The following EBF1 variants were observed in gnomAD, a reference collection of about 807,000 sequenced individuals.
EBF1 encodes the protein transcription factor COE1.
Under a neutral mutation model 68.4 loss-of-function variants are expected in EBF1, and 10 were observed. That is an observed-to-expected ratio of 0.15 (90% CI 0.09 to 0.25). The LOEUF is 0.25. Among genes scored for constraint, EBF1 ranks in the 10% least tolerant of loss-of-function variants. The pLI is 1.00. For synonymous variants in EBF1, 298 were observed against 299.8 expected (o/e 0.99, Z 0.06); for missense variants, 509 against 794.4 (o/e 0.64, Z 4.32).
In EBF1 at chr5:159,072,145, T is replaced by C. The variant is rs74682974; in HGVS notation, c.554+1251A>G. Among the ~76,000 whole-genome samples, 513 of 152,316 alleles carry C rather than the reference T, an allele frequency of 3.4e-3. 2 individuals are homozygous for C. Among genetic ancestry groups the C allele is most frequent in the African/African-American group, 0.011 (474 of 41,570 alleles). On this transcript the variant is annotated intron_variant, in intron 6 of 15. Coordinates refer to ENST00000313708, the MANE Select transcript of EBF1 (RefSeq NM_024007.5). ...TCATCTTTTAACTTTGAATCAAATA[T>C]ACTAATACTCTTATATGGAGCAAAA...
intron 6 of EBF1, among the ~76,000 whole-genome samples, chr5:158,997,968 G>A (rs1167796223): frequency 2.0e-5 from 3 of 152,098 alleles, no homozygotes; most frequent in Admixed American, 2.0e-4. Context: ...AAATGGCCCT[G>A]TCCTGCCACC....
At chr5:159,098,341 G>C (rs1324469140) in intron 1 of EBF1, among the ~76,000 whole-genome samples, 1 of 152,244 alleles carries the variant, frequency 6.6e-6, no homozygotes, top group East Asian at 1.9e-4. Context: ...AGCTGCGAGT[G>C]AGAGAAGGGC....
intron 6 of EBF1, among the ~76,000 whole-genome samples, chr5:158,909,479 T>G (rs1805421436): frequency 6.6e-6 from 1 of 152,164 alleles, no homozygotes. Context: ...ACCATTAGGA[T>G]CATTTGAAGT....
intron 7 of EBF1, among the ~76,000 whole-genome samples, chr5:158,831,843 AAG>A (rs1299481211): frequency 3.9e-5 from 6 of 152,126 alleles, no homozygotes; most frequent in Non-Finnish European, 1.5e-5. Flanking sequence ...AATGTGTCAG[AAG>A]AGTTTTCCAG....
intron 10 of EBF1, among the ~76,000 whole-genome samples, chr5:158,757,857 T>C (rs2127606298): frequency 1.3e-5 from 2 of 152,292 alleles, no homozygotes; most frequent in Non-Finnish European, 2.9e-5. Context: ...TGTTTGTTAT[T>C]TATTAATAAG....
intron 11 of EBF1, among the ~76,000 whole-genome samples, chr5:158,720,049 A>G (rs1447575266): frequency 1.3e-5 from 2 of 152,182 alleles, no homozygotes; most frequent in Non-Finnish European, 2.9e-5. Flanking sequence ...ACTTTGCTTT[A>G]TCAGGGGATT....
intron 6 of EBF1, among the ~76,000 whole-genome samples, chr5:158,888,886 C>A (rs1183965470): frequency 6.6e-6 from 1 of 152,082 alleles, no homozygotes; most frequent in African/African-American, 2.4e-5. Flanking sequence ...CTCCTGCTAT[C>A]TTCCCTGTCA....
At chr5:158,856,716 G>A (rs1171533442) in intron 6 of EBF1, among the ~76,000 whole-genome samples, 1 of 152,198 alleles carries the variant, frequency 6.6e-6, no homozygotes, top group African/African-American at 2.4e-5. Flanking sequence ...AGGGCACCAG[G>A]TAAGAAACCA....
chr5:158,762,693 G>A (rs938264797), intron 10 of EBF1, among the ~76,000 whole-genome samples: 10 of 152,170 alleles, frequency 6.6e-5, no homozygotes, highest in South Asian at 2.1e-4. Flanking sequence ...CCGCCACTGC[G>A]CCCAGCTACT....
At chr5:159,092,038 A>C (rs1344849700) in intron 4 of EBF1, among the ~76,000 whole-genome samples, 2 of 152,214 alleles carry the variant, frequency 1.3e-5, no homozygotes, top group Non-Finnish European at 2.9e-5. Context: ...CTTAAAAAAA[A>C]CTATTTAAAG....
At chr5:158,818,589 T>A (rs1381037527) in intron 8 of EBF1, among the ~76,000 whole-genome samples, 1 of 152,210 alleles carries the variant, frequency 6.6e-6, no homozygotes, top group Non-Finnish European at 1.5e-5. Context: ...ATCATCAGTA[T>A]TTATTCTTCA....
chr5:158,891,460 C>T (rs1801169099), intron 6 of EBF1, among the ~76,000 whole-genome samples: 1 of 152,140 alleles, frequency 6.6e-6, no homozygotes, highest in African/African-American at 2.4e-5. Context: ...TAAATCTCTC[C>T]AGCATCTCTC....
chr5:159,093,513 C>T (rs1378689595), intron 4 of EBF1, among the ~76,000 whole-genome samples: 1 of 152,030 alleles, frequency 6.6e-6, no homozygotes, highest in Admixed American at 6.6e-5. Flanking sequence ...CTCTCTCTTT[C>T]TCTCTCTCTT....
chr5:158,987,024 A>AT (rs1399356982), intron 6 of EBF1: 3 of 152,214 alleles, frequency 2.0e-5, no homozygotes, highest in African/African-American at 7.2e-5. Context: ...CAGCTTCCAC[A>AT]TTTTTAACCC....
At position 158,885,290 on chromosome 5, in the gene EBF1, C is replaced by T. The variant is rs543908242; in HGVS notation, c.555-45180G>A. On this transcript the variant is annotated intron_variant, in intron 6 of 15. Coordinates refer to ENST00000313708, the MANE Select transcript of EBF1 (RefSeq NM_024007.5). ...CTGTCACGTGGAAGACAAATTAAAACGGAGCCACATAAAAGGAAAGGGGAA... is the reference window on the plus strand; with the variant it reads ...CTGTCACGTGGAAGACAAATTAAAATGGAGCCACATAAAAGGAAAGGGGAA... 7.9e-5 allele frequency among the ~76,000 whole-genome samples: 12 copies of T among 152,280 alleles called. No homozygotes were observed. In the East Asian group the frequency reaches 9.6e-4, roughly 12 times the overall value.
At chr5:158,700,058 C>T (rs968227278) in intron 15 of EBF1, among the ~76,000 whole-genome samples, 5 of 152,216 alleles carry the variant, frequency 3.3e-5, no homozygotes, top group African/African-American at 1.2e-4. Context: ...TAAAATGACA[C>T]ATGCAAAGTG....
chr5:159,072,398 AG>A (rs1777971451), intron 6 of EBF1, among the ~76,000 whole-genome samples: 1 of 152,208 alleles, frequency 6.6e-6, no homozygotes, highest in South Asian at 2.1e-4. Context: ...AGCCCAAAAA[AG>A]GTAGAAAGAA....
chr5:158,706,096 A>C (rs1467485120), intron 15 of EBF1, among the ~76,000 whole-genome samples: 2 of 152,118 alleles, frequency 1.3e-5, no homozygotes, highest in Non-Finnish European at 2.9e-5. Flanking sequence ...TAGCTGAAAG[A>C]GAATGAGATT....
Sources: gnomAD v4.1 joint callset for allele counts (sites outside exome capture counted in the v4.1 genomes callset) on GRCh38, gnomAD v4.1.1 for gene constraint, MANE v1.5 for transcripts, NCBI Gene and HGNC (gene_info 2026-07-23, HGNC 2026-07-21) for gene names.